Variants in MINDY4 observed in about 807,000 individuals in gnomAD.
MINDY4 encodes MINDY lysine 48 deubiquitinase 4, also known as probable ubiquitin carboxyl-terminal hydrolase MINDY-4.
MINDY4 carries 68 observed loss-of-function variants against 87.0 expected under a neutral mutation model. The observed-to-expected ratio is 0.78, with a 90% CI of 0.64 to 0.96. The LOEUF is 0.96. Ranked by LOEUF, MINDY4 falls within the 40% of genes least tolerant of loss-of-function variation. The pLI is 0.00. For synonymous variants in MINDY4, 379 were observed against 363.2 expected (o/e 1.04, Z -0.50); for missense variants, 919 against 928.2 (o/e 0.99, Z 0.13).
At chr7:30,865,488 ACT>A (rs2128576231) in intron 13 of MINDY4, among the ~76,000 whole-genome samples, 1 of 151,968 alleles carries the variant, frequency 6.6e-6, no homozygotes, top group South Asian at 2.1e-4. Flanking sequence ...CCTTCCACTG[ACT>A]CTGTCTCTCT....
Position 30,808,920 on chromosome 7 carries a change from A to C in MINDY4, c.1073+17346A>C, listed in dbSNP as rs752794377. Reference sequence around the variant, plus strand: ...GAAAGAGGAAGAGACAGAGAGACAAAGAGGGAGTCAAGGAGAGAGAGAGAG... The same window carrying C: ...GAAAGAGGAAGAGACAGAGAGACAACGAGGGAGTCAAGGAGAGAGAGAGAG... On this transcript the variant is annotated intron_variant, in intron 5 of 17. Coordinates refer to ENST00000265299, the MANE Select transcript of MINDY4 (RefSeq NM_032222.3). 5.4e-4 allele frequency among the ~76,000 whole-genome samples: 81 copies of C among 151,376 alleles called. 1 individual carries two copies. The highest frequency in any genetic ancestry group is 1.2e-3 in the Admixed American group (19 of 15,210).
chr7:30,827,324 C>T (rs189514926), intron 5 of MINDY4, among the ~76,000 whole-genome samples: 12 of 152,230 alleles, frequency 7.9e-5, no homozygotes, highest in East Asian at 1.9e-4. Flanking sequence ...CAGTGACAGA[C>T]GGGATAGGCA....
chr7:30,892,014 T>C lies in MINDY4; in HGVS notation c.*9T>C, dbSNP rs568261989. ...CAGACCCCATCCTGTGACCGTTGGA[T>C]GTGGGTAAACCCTGTGGTCCACCAC... On this transcript the variant is annotated 3_prime_UTR_variant, in exon 18 of 18. Transcript: ENST00000265299. 1 of 1,614,120 alleles carries C rather than the reference T, an allele frequency of 6.2e-7. No homozygotes were observed. Among genetic ancestry groups the C allele is most frequent in the East Asian group, 2.2e-5 (1 of 44,884 alleles).
At chr7:30,781,899 A>AAGTTTATCTTTG in intron 2 of MINDY4, 78 bp from the exon 3 acceptor site, 4 of 962,088 alleles carry the variant, frequency 4.2e-6, no homozygotes, top group Non-Finnish European at 4.7e-6. Flanking sequence ...TTAGTCAAAG[A>AAGTTTATCTTTG]AGTGGAATAG....
intron 9 of MINDY4, among the ~76,000 whole-genome samples, chr7:30,846,516 TCTGA>T (rs1789223598): frequency 6.6e-6 from 1 of 151,996 alleles, no homozygotes; most frequent in Non-Finnish European, 1.5e-5. Context: ...CTGGGAGGAG[TCTGA>T]CTGATCAGGA....
intron 17 of MINDY4, among the ~76,000 whole-genome samples, chr7:30,887,657 G>T (rs549694754): frequency 3.9e-5 from 6 of 152,352 alleles, no homozygotes; most frequent in African/African-American, 1.4e-4. Flanking sequence ...AGGAGGAACA[G>T]CTGGCCTGGT....
chr7:30,888,380 G>T (rs1362566749), intron 17 of MINDY4, among the ~76,000 whole-genome samples: 1 of 152,114 alleles, frequency 6.6e-6, no homozygotes, highest in Non-Finnish European at 1.5e-5. Flanking sequence ...TGCACACCAC[G>T]GTCTCCACAA....
intron 5 of MINDY4, among the ~76,000 whole-genome samples, chr7:30,824,249 A>C (rs1011840024): frequency 6.6e-6 from 1 of 152,128 alleles, no homozygotes; most frequent in African/African-American, 2.4e-5. Flanking sequence ...CATGATGGGG[A>C]GGCTGAGTGT....
intron 5 of MINDY4, among the ~76,000 whole-genome samples, chr7:30,822,627 T>TTTATTTATTTATTTATTTATTTA (rs371454713): frequency 1.5e-4 from 22 of 145,736 alleles, no homozygotes; most frequent in South Asian, 1.1e-3. Context: ...TGCCTGTCTA[T>TTTATTTATTTATTTATTTATTTA]TTTATTTATT....
chr7:30,866,625 A>G (rs1437678882), intron 13 of MINDY4, among the ~76,000 whole-genome samples: 4 of 152,134 alleles, frequency 2.6e-5, no homozygotes, highest in Admixed American at 6.6e-5. Flanking sequence ...CCCTGGGTTG[A>G]GTGAGATTTT....
chr7:30,788,014 CTA>C (rs527337462), intron 4 of MINDY4, among the ~76,000 whole-genome samples: 119 of 152,232 alleles, frequency 7.8e-4, no homozygotes, highest in Middle Eastern at 3.4e-3. Flanking sequence ...GAAAAAATAA[CTA>C]TATTTTTCAA....
intron 15 of MINDY4, among the ~76,000 whole-genome samples, chr7:30,881,167 AG>A (rs1359785277): frequency 1.3e-5 from 2 of 152,184 alleles, no homozygotes; most frequent in African/African-American, 2.4e-5. Flanking sequence ...ACCAGGGCCC[AG>A]GGTCAGGAGA....
intron 2 of MINDY4, chr7:30,781,462 A>C (rs768658451): frequency 6.5e-6 from 1 of 152,746 alleles, no homozygotes; most frequent in Non-Finnish European, 1.5e-5. Flanking sequence ...AAAGTGAGTC[A>C]GTCCTGACTG....
rs764575197 is a variant in MINDY4, at chr7:30,791,512, G to C, written c.1011G>C (p.Arg337Ser). 6.2e-7 allele frequency: 1 copy of C among 1,614,000 alleles called. No homozygotes were observed. The highest frequency in any genetic ancestry group is 1.7e-5 in the Admixed American group (1 of 60,022). Residue 337 changes from arginine to serine, a missense_variant, in exon 5 of 18, where the codon AGG (arginine) becomes AGC (serine). Coordinates refer to ENST00000265299, the MANE Select transcript of MINDY4 (RefSeq NM_032222.3). ...TCTACTTGCCTGGTGGTAATTCCAG[G>C]ATGACCCAGGAGAGGCTGGAAAGAG... is the stretch of plus-strand genomic sequence containing the variant. ...LKLYLPGGNS[R>S]MTQERLERAF...
At chr7:30,795,904 C>T (rs189481254) in intron 5 of MINDY4, among the ~76,000 whole-genome samples, 1 of 152,136 alleles carries the variant, frequency 6.6e-6, no homozygotes, top group Non-Finnish European at 1.5e-5. Context: ...TTTTGAGGAC[C>T]TTTGTGATTA....
chr7:30,839,114 A>T (rs1788956462), intron 7 of MINDY4, 86 bp from the exon 8 acceptor site: 2 of 829,044 alleles, frequency 2.4e-6, no homozygotes, highest in African/African-American at 1.7e-5. Flanking sequence ...GAATTCAAGA[A>T]CAACTTCTGC....
chr7:30,876,708 GTTGA>G (rs971641330), intron 15 of MINDY4, among the ~76,000 whole-genome samples: 1 of 152,132 alleles, frequency 6.6e-6, no homozygotes, highest in Admixed American at 6.5e-5. Context: ...TTGTTCTGTG[GTTGA>G]TTAAATGGGA....
chr7:30,840,662 T>C (rs1789002100), intron 8 of MINDY4, 98 bp from the exon 9 acceptor site: 3 of 978,808 alleles, frequency 3.1e-6, no homozygotes, highest in Non-Finnish European at 4.7e-6. Context: ...GCAGGGCCCC[T>C]TTACTCTATC....
chr7:30,817,259 C>T (rs1251333335), intron 5 of MINDY4, among the ~76,000 whole-genome samples: 1 of 151,970 alleles, frequency 6.6e-6, no homozygotes, highest in Non-Finnish European at 1.5e-5. Context: ...TGTACTCCAC[C>T]TATACCTAGA....
Sources: allele counts gnomAD v4.1 joint callset (sites outside exome capture counted in the v4.1 genomes callset), GRCh38; gene constraint gnomAD v4.1.1; transcripts MANE v1.5; gene names NCBI Gene and HGNC (gene_info 2026-07-23, HGNC 2026-07-21).